Variants in GATB observed in about 807,000 individuals in gnomAD.
GATB encodes glutamyl-tRNA amidotransferase subunit B.
Under a neutral mutation model 62.3 loss-of-function variants are expected in GATB, and 39 were observed. The ratio of observed to expected loss-of-function variants is 0.63; its 90% CI spans 0.48 to 0.82. GATB has a LOEUF of 0.82. GATB is among the 40% of genes least tolerant of loss of function. The pLI, the probability that GATB is intolerant of heterozygous loss-of-function variation, is 0.00. For missense variants in GATB, 670 were observed against 684.0 expected, an observed-to-expected ratio of 0.98 and a Z score of 0.23; for synonymous variants, 276 against 258.9, an observed-to-expected ratio of 1.07 and a Z score of -0.63.
intron 2 of GATB, among the ~76,000 whole-genome samples, chr4:151,731,333 T>C (rs921507609): frequency 6.6e-6 from 1 of 152,208 alleles, no homozygotes; most frequent in Admixed American, 6.5e-5. Context: ...GCCGGGCTGA[T>C]CTCCAGCTCC....
chr4:151,686,600 C>T (rs900149586), intron 10 of GATB, among the ~76,000 whole-genome samples: 8 of 150,720 alleles, frequency 5.3e-5, no homozygotes, highest in Non-Finnish European at 1.2e-4. Flanking sequence ...CCCATTCTTT[C>T]CTTCTTGAAA....
At chr4:151,703,633 T>G in intron 8 of GATB, 1 of 575,292 alleles carries the variant, frequency 1.7e-6, no homozygotes, top group Non-Finnish European at 3.1e-6. Flanking sequence ...GCTGAATCAG[T>G]CAAACAAGGC....
chr4:151,744,425 T>C (rs1208192755), intron 2 of GATB, among the ~76,000 whole-genome samples: 4 of 152,054 alleles, frequency 2.6e-5, no homozygotes, highest in Non-Finnish European at 5.9e-5. Context: ...CATAAAAAGA[T>C]GTTCAGTCAA....
At chr4:151,702,342 C>T (rs929452436) in intron 8 of GATB, among the ~76,000 whole-genome samples, 1 of 152,122 alleles carries the variant, frequency 6.6e-6, no homozygotes, top group African/African-American at 2.4e-5. Flanking sequence ...CAAAATGTGA[C>T]AGCTGGAGAA....
intron 2 of GATB, among the ~76,000 whole-genome samples, chr4:151,745,303 A>G (rs1739572918): frequency 6.6e-6 from 1 of 152,232 alleles, no homozygotes; most frequent in Admixed American, 6.5e-5. Flanking sequence ...TGAGTTAAAA[A>G]CAACTTTTAT....
chr4:151,745,775 A>G (rs1713464095), intron 2 of GATB, among the ~76,000 whole-genome samples: 1 of 152,246 alleles, frequency 6.6e-6, no homozygotes, highest in Non-Finnish European at 1.5e-5. Context: ...AGTAAACAAC[A>G]TTCCTGTTTT....
chr4:151,750,581 G>A lies in GATB; in HGVS notation c.327+8191C>T, dbSNP rs546450312. Among the ~76,000 whole-genome samples, 35 of 152,126 alleles carry A rather than the reference G, an allele frequency of 2.3e-4. 1 individual carries two copies. Among genetic ancestry groups the A allele is most frequent in the African/African-American group, 7.9e-4 (33 of 41,510 alleles). On this transcript the variant is annotated intron_variant, in intron 2 of 12. Transcript: ENST00000263985. ...ACAAGATAAGAGAATAACAATATGA[G>A]ACATTTTGCAATATTTTTATATCTT... is the stretch of plus-strand genomic sequence containing the variant.
At chr4:151,719,163 T>G (rs982044859) in intron 3 of GATB, among the ~76,000 whole-genome samples, 6 of 152,208 alleles carry the variant, frequency 3.9e-5, no homozygotes, top group Non-Finnish European at 8.8e-5. Flanking sequence ...AAACACTGGC[T>G]TCTACTCCCT....
At chr4:151,678,915 C>T (rs1318905200) in intron 11 of GATB, among the ~76,000 whole-genome samples, 10 of 152,130 alleles carry the variant, frequency 6.6e-5, no homozygotes, top group Middle Eastern at 3.4e-3. Flanking sequence ...TTTTTTGAGA[C>T]GGAGTCTCGC....
At chr4:151,693,995 T>C (rs1302373133) in intron 9 of GATB, among the ~76,000 whole-genome samples, 2 of 152,164 alleles carry the variant, frequency 1.3e-5, no homozygotes, top group Non-Finnish European at 2.9e-5. Flanking sequence ...TAAAAGACTA[T>C]CTGCACGAAT....
intron 2 of GATB, among the ~76,000 whole-genome samples, chr4:151,729,525 A>T (rs1483608860): frequency 6.6e-6 from 1 of 152,216 alleles, no homozygotes; most frequent in African/African-American, 2.4e-5. Context: ...CTGTGATCAT[A>T]GAAGTGAACA....
Position 151,716,991 on chromosome 4 carries a change from C to T in GATB, c.525G>A (p.Gln175=). Residue 175 remains glutamine, a synonymous_variant, in exon 4 of 13, where the codon CAG becomes CAA. Coordinates refer to ENST00000263985, the MANE Select transcript of GATB (RefSeq NM_004564.3). ...TCACCGTCTTGGGGATCACCTGACTCTGCTTCTTCCCTGCACAGACGCCAT... is the reference window on the plus strand; with the variant it reads ...TCACCGTCTTGGGGATCACCTGACTTTGCTTCTTCCCTGCACAGACGCCAT... ...LIYGVCAGKK[Q]SQVIPKTVRI... is the part of the protein sequence containing the mutation. 1 of 1,614,176 alleles carries T rather than the reference C, an allele frequency of 6.2e-7. No individual in the cohort carries two copies.
intron 11 of GATB, chr4:151,674,432 A>C (rs1737952703): frequency 6.6e-6 from 1 of 152,178 alleles, no homozygotes; most frequent in Non-Finnish European, 1.5e-5. Flanking sequence ...CTAGGACTTA[A>C]ATTTTAAAAA....
chr4:151,681,495 T>C (rs1162340148), intron 10 of GATB, among the ~76,000 whole-genome samples: 1 of 152,176 alleles, frequency 6.6e-6, no homozygotes, highest in Admixed American at 6.5e-5. Flanking sequence ...CGGATTTTTC[T>C]AAAAGCGTGG....
chr4:151,727,678 C>T (rs1739163389), intron 2 of GATB, among the ~76,000 whole-genome samples: 1 of 152,192 alleles, frequency 6.6e-6, no homozygotes, highest in Non-Finnish European at 1.5e-5. Context: ...TTACTCCTCA[C>T]ACTAGCCATG....
rs142888374 is a variant in GATB, at chr4:151,753,538, T to C, written c.327+5234A>G. 4.3e-4 allele frequency among the ~76,000 whole-genome samples: 65 copies of C among 152,318 alleles called. 1 individual carries two copies. The highest frequency in any genetic ancestry group is 1.4e-3 in the Admixed American group (21 of 15,304). ...TTATCACATTTGCATTCTTTCACTA[T>C]GATTTCAGTGGGGTTTCTCTGGGTT... On this transcript the variant is annotated intron_variant, in intron 2 of 12. Transcript: ENST00000263985.
At chr4:151,753,656 A>G (rs182617119) in intron 2 of GATB, among the ~76,000 whole-genome samples, 2 of 152,166 alleles carry the variant, frequency 1.3e-5, no homozygotes, top group African/African-American at 4.8e-5. Flanking sequence ...GCTCCTTCTC[A>G]TCAGCATTTT....
At chr4:151,705,486 G>A (rs568140487) in intron 6 of GATB, among the ~76,000 whole-genome samples, 24 of 152,246 alleles carry the variant, frequency 1.6e-4, no homozygotes, top group African/African-American at 4.8e-4. Flanking sequence ...GGCTCACTCC[G>A]TGTTGAGACA....
Position 151,688,676 on chromosome 4 carries a change from T to G in GATB, c.1285A>C (p.Thr429Pro). Residue 429 changes from threonine (T) to proline (P), a missense_variant, in exon 10 of 13, where the codon ACT becomes CCT. Physicochemically the swap from Thr to Pro is conservative, Grantham distance 38 (BLOSUM62 -1). Transcript: ENST00000263985. ...PKKVTSWVLN[T>P]FLGYLKQQNL... is the part of the protein sequence containing the mutation. ...TGTTGCTTTAAATAGCCCAGAAAAG[T>G]GTTGAGGACCCAACTAGTCACCTTT... 2 of 1,612,954 alleles carry G rather than the reference T, an allele frequency of 1.2e-6. No individual in the cohort carries two copies. Among genetic ancestry groups the G allele is most frequent in the Non-Finnish European group, 1.7e-6 (2 of 1,179,752 alleles).
Sources: allele counts gnomAD v4.1 joint callset (sites outside exome capture counted in the v4.1 genomes callset), GRCh38; gene constraint gnomAD v4.1.1; transcripts MANE v1.5; gene names NCBI Gene and HGNC (gene_info 2026-07-23, HGNC 2026-07-21).